The following ADK variants were observed in gnomAD, a reference collection of about 807,000 sequenced individuals.
ADK encodes the protein N6,N6-dimethyladenosine kinase.
In ADK, 24 loss-of-function variants were observed where a neutral mutation model predicts 44.7. The observed-to-expected ratio is 0.54, with a 90% CI of 0.39 to 0.76. The LOEUF (loss-of-function observed/expected upper bound fraction) is 0.76, where lower values mean the gene tolerates loss of function less well. Ranked by LOEUF, ADK falls within the 30% of genes least tolerant of loss-of-function variation. ADK has a pLI of 0.00. For synonymous variants in ADK, 128 were observed against 142.6 expected, an observed-to-expected ratio of 0.90 and a Z score of 0.73; for missense variants, 321 against 425.1, an observed-to-expected ratio of 0.76 and a Z score of 2.15.
At chr10:74,670,994 G>A (rs1468598715) in intron 10 of ADK, among the ~76,000 whole-genome samples, 1 of 127,038 alleles carries the variant, frequency 7.9e-6, no homozygotes, top group African/African-American at 3.0e-5. Flanking sequence ...GTCTTTCCTG[G>A]TCTCTGTTTC....
chr10:74,462,766 C>T (rs753031417), intron 6 of ADK, among the ~76,000 whole-genome samples: 4 of 152,124 alleles, frequency 2.6e-5, no homozygotes, highest in Non-Finnish European at 5.9e-5. Flanking sequence ...TACAACTTAT[C>T]AAATAAACAG....
At chr10:74,493,274 T>C (rs1317547657) in intron 6 of ADK, among the ~76,000 whole-genome samples, 2 of 151,964 alleles carry the variant, frequency 1.3e-5, no homozygotes, top group Non-Finnish European at 2.9e-5. Flanking sequence ...CTTGAACTCC[T>C]GGGATCAAGT....
At chr10:74,262,846 T>C (rs1278318814) in intron 3 of ADK, among the ~76,000 whole-genome samples, 1 of 152,242 alleles carries the variant, frequency 6.6e-6, no homozygotes, top group East Asian at 1.9e-4. Flanking sequence ...TTTCTTTGAA[T>C]GGACTGTGAT....
intron 9 of ADK, among the ~76,000 whole-genome samples, chr10:74,613,072 G>A (rs1338584236): frequency 1.3e-5 from 2 of 151,936 alleles, no homozygotes; most frequent in South Asian, 2.1e-4. Flanking sequence ...GATGCTTCTG[G>A]CTTCGTTTTT....
intron 6 of ADK, among the ~76,000 whole-genome samples, chr10:74,465,745 A>G (rs958968987): frequency 6.6e-6 from 1 of 152,190 alleles, no homozygotes; most frequent in African/African-American, 2.4e-5. Context: ...TGGAAGCTTC[A>G]TTAACTAAGA....
intron 9 of ADK, 36 bp downstream of exon 9, chr10:74,600,529 T>C (rs1317851071): frequency 1.4e-6 from 2 of 1,418,036 alleles, no homozygotes; most frequent in East Asian, 2.4e-5. Context: ...TCTAGTATTA[T>C]GGAGATTAAT....
chr10:74,604,593 G>C (rs1441200152), intron 9 of ADK, among the ~76,000 whole-genome samples: 1 of 152,064 alleles, frequency 6.6e-6, no homozygotes, highest in African/African-American at 2.4e-5. Context: ...TGAGGCCTCT[G>C]TTCTGTTCCA....
chr10:74,182,807 T>C (rs1194132519), intron 1 of ADK, among the ~76,000 whole-genome samples: 1 of 152,252 alleles, frequency 6.6e-6, no homozygotes, highest in Non-Finnish European at 1.5e-5. Flanking sequence ...CTGTCAAAGA[T>C]AAAACTTGAA....
rs1350584743 is a variant in ADK at position 74,356,013 on chromosome 10, T to TTTTG, written c.274-38125_274-38124insGTTT. Among the ~76,000 whole-genome samples the TTTTG allele has an allele frequency of 3.1e-3, 405 of 132,040 alleles. 4 individuals are homozygous for TTTTG. The highest frequency in any genetic ancestry group is 4.1e-3 in the Admixed American group (53 of 13,054). 86.6% of individuals were successfully genotyped at this position (132,040 alleles called of 152,430 possible). On this transcript the variant is annotated intron_variant, in intron 4 of 10. Coordinates refer to ENST00000539909, the MANE Select transcript of ADK (RefSeq NM_006721.4). ...TCACTAAATAATTCATTTTTTTTTTTTTTTTTTTTTTTTTTTGAGACGGAG... is the reference window on the plus strand; with the variant it reads ...TCACTAAATAATTCATTTTTTTTTTTTTTGTTTTTTTTTTTTTTTTGAGACGGAG...
At chr10:74,310,742 T>C (rs1182674178) in intron 3 of ADK, among the ~76,000 whole-genome samples, 3 of 152,194 alleles carry the variant, frequency 2.0e-5, no homozygotes, top group Non-Finnish European at 4.4e-5. Flanking sequence ...TACCTTTTCT[T>C]TGTCAGTTTT....
At chr10:74,296,994 A>G (rs190440968) in intron 3 of ADK, among the ~76,000 whole-genome samples, 1 of 152,312 alleles carries the variant, frequency 6.6e-6, no homozygotes, top group Non-Finnish European at 1.5e-5. Flanking sequence ...AAAACTAGAC[A>G]TAACCTAAAT....
At chr10:74,316,306 A>G (rs748606171) in intron 4 of ADK, among the ~76,000 whole-genome samples, 4 of 151,900 alleles carry the variant, frequency 2.6e-5, no homozygotes, top group Non-Finnish European at 5.9e-5. Flanking sequence ...CACGTTTTGC[A>G]TTTTGCAGTT....
At chr10:74,290,139 G>A (rs940473228) in intron 3 of ADK, among the ~76,000 whole-genome samples, 3 of 151,508 alleles carry the variant, frequency 2.0e-5, no homozygotes, top group Admixed American at 6.6e-5. Flanking sequence ...TGGGCCTTAG[G>A]AATGGCTAAA....
chr10:74,485,107 T>C lies in ADK; in HGVS notation c.556-40149T>C, dbSNP rs1190383224. Reference sequence around the variant, plus strand: ...AAAGATTAAAAGGCAAGCCACTGAGTAGGAGAAGACATGTGTGACACAAAT... The same window carrying C: ...AAAGATTAAAAGGCAAGCCACTGAGCAGGAGAAGACATGTGTGACACAAAT... On this transcript the variant is annotated intron_variant, in intron 6 of 10. Transcript: ENST00000539909. 2.0e-5 allele frequency among the ~76,000 whole-genome samples: 3 copies of C among 152,056 alleles called. 1 individual carries two copies. Among genetic ancestry groups the C allele is most frequent in the African/African-American group, 4.8e-5 (2 of 41,394 alleles).
At chr10:74,587,130 A>G (rs899010645) in intron 7 of ADK, among the ~76,000 whole-genome samples, 2 of 152,222 alleles carry the variant, frequency 1.3e-5, no homozygotes, top group African/African-American at 4.8e-5. Context: ...GTTCTAGTAT[A>G]GCTTTTTTGT....
chr10:74,605,683 A>G (rs759686515), intron 9 of ADK, among the ~76,000 whole-genome samples: 2 of 152,206 alleles, frequency 1.3e-5, no homozygotes, highest in Admixed American at 6.5e-5. Flanking sequence ...AATGTTCATC[A>G]GGGATATTGG....
chr10:74,685,717 T>G (rs1252972101), intron 10 of ADK, among the ~76,000 whole-genome samples: 1 of 152,158 alleles, frequency 6.6e-6, no homozygotes, highest in Non-Finnish European at 1.5e-5. Context: ...ATACAGTAAT[T>G]TATTTTATTC....
intron 3 of ADK, among the ~76,000 whole-genome samples, chr10:74,274,711 A>C (rs1181970134): frequency 2.2e-5 from 2 of 89,284 alleles, no homozygotes. Flanking sequence ...GGTGATTAGT[A>C]GGAGAAAAAT....
At chr10:74,325,112 A>C (rs4746197) in intron 4 of ADK, among the ~76,000 whole-genome samples, 98,833 of 152,022 alleles carry the variant, frequency 0.65, 33,364 homozygotes, top group Middle Eastern at 0.8. Flanking sequence ...GATATTCTTT[A>C]ATTACATGAA....
Sources: gnomAD v4.1 joint callset for allele counts (sites outside exome capture counted in the v4.1 genomes callset) on GRCh38, gnomAD v4.1.1 for gene constraint, MANE v1.5 for transcripts, NCBI Gene and HGNC (gene_info 2026-07-23, HGNC 2026-07-21) for gene names.